The following TMEM52B variants were observed in gnomAD, a reference collection of about 807,000 sequenced individuals.
TMEM52B encodes the protein chromosome 12 open reading frame 59.
TMEM52B carries 11 observed loss-of-function variants against 16.1 expected under a neutral mutation model. That is an observed-to-expected ratio of 0.68 (90% confidence interval 0.43 to 1.13). The LOEUF (loss-of-function observed/expected upper bound fraction) is 1.13, where lower values mean the gene tolerates loss of function less well. Among genes scored for constraint, TMEM52B ranks in the 50% most tolerant of loss-of-function variants. The pLI, the probability that TMEM52B is intolerant of heterozygous loss-of-function variation, is 0.00. For synonymous variants in TMEM52B, 101 were observed against 93.8 expected, an observed-to-expected ratio of 1.08 and a Z score of -0.45; for missense variants, 243 against 230.4, an observed-to-expected ratio of 1.05 and a Z score of -0.35.
At chr12:10,189,751 A>C in intron 4 of TMEM52B, 145 bp from the exon 5 acceptor site, 1 of 1,084,240 alleles carries the variant, frequency 9.2e-7, no homozygotes, top group Non-Finnish European at 1.3e-6. Flanking sequence ...TTCAAAGGAT[A>C]TTCATAAAAT....
At position 10,190,069 on chromosome 12, in the gene TMEM52B, C is replaced by G; in HGVS notation, c.481C>G (p.Pro161Ala). The change falls in exon 5 of 5, where the codon CCA becomes GCA. Residue 161 changes from proline to alanine, a missense_variant. Coordinates refer to ENST00000543484, the MANE Select transcript of TMEM52B (RefSeq NM_001384896.1). ...MCGQKAPDLP[P>A]VPEEKQLPPT... ...CGGGCAGAAAGCACCTGATCTACCC[C>G]CAGTACCTGAAGAAAAGCAGCTGCC... is the stretch of plus-strand genomic sequence containing the variant. 1 of 1,614,120 alleles carries G rather than the reference C, an allele frequency of 6.2e-7. No individual in the cohort carries two copies. Among genetic ancestry groups the G allele is most frequent in the South Asian group, 1.1e-5 (1 of 91,086 alleles).
In TMEM52B at chr12:10,172,363, A is replaced by G. The variant is rs61744551; in HGVS notation, c.-95+1512A>G. On this transcript the variant is annotated intron_variant, in intron 1 of 5. Coordinates refer to the TMEM52B transcript ENST00000381923. ...GGGAAAACTATTTTTCATGAGCATC[A>G]GAGGAGAGATATTGTACCCACTCTT... 865 of 294,024 alleles carry G rather than the reference A, an allele frequency of 2.9e-3. 9 individuals carry two copies. The highest frequency in any genetic ancestry group is 0.016 in the African/African-American group (731 of 47,110). The allele number at this position is 294,024 out of a possible 1,614,324, so 18.2% of individuals were successfully genotyped here. A position where few individuals can be genotyped will look rare whatever the true frequency, so the allele number is the denominator to read the frequency against.
intron 2 of TMEM52B, among the ~76,000 whole-genome samples, chr12:10,184,308 C>T (rs746727334): frequency 2.0e-4 from 31 of 152,140 alleles, no homozygotes; most frequent in Non-Finnish European, 3.1e-4. Flanking sequence ...AAGTGTTTCC[C>T]GGAGTTCTGT....
In TMEM52B at chr12:10,189,127, TG is replaced by T. The variant is rs1340630489; in HGVS notation, c.308-766del. ...GAGGCAGGAGAGAATTGTTTGAACC[TG>T]GGAGGTGGAGGTTGCAGCGACCCGA... On this transcript the variant is annotated intron_variant, in intron 4 of 4. Coordinates refer to ENST00000543484, the MANE Select transcript of TMEM52B (RefSeq NM_001384896.1). 3.0e-5 allele frequency among the ~76,000 whole-genome samples: 4 copies of T among 134,696 alleles called. No individual in the cohort carries two copies. In the East Asian group the frequency reaches 8.9e-4, roughly 30 times the overall value. The allele number at this position is 134,696 out of a possible 152,430, so 88.4% of individuals were successfully genotyped here.
At chr12:10,181,619 C>A (rs564513518) in intron 1 of TMEM52B, among the ~76,000 whole-genome samples, 1 of 151,930 alleles carries the variant, frequency 6.6e-6, no homozygotes, top group Non-Finnish European at 1.5e-5. Context: ...TGAGCCACCA[C>A]GCCTGGCCTG....
chr12:10,178,679 G>A (rs570724067), upstream of TMEM52B, among the ~76,000 whole-genome samples: 13 of 151,756 alleles, frequency 8.6e-5, no homozygotes, highest in Non-Finnish European at 1.5e-4. Context: ...GAGAAAGAAG[G>A]AACAAAGAAA....
chr12:10,176,751 T>A (rs1430906054), upstream of TMEM52B, among the ~76,000 whole-genome samples: 2 of 152,218 alleles, frequency 1.3e-5, no homozygotes, highest in Non-Finnish European at 2.9e-5. Context: ...TTATTTAATC[T>A]GTATAAGGCT....
intron 1 of TMEM52B, among the ~76,000 whole-genome samples, chr12:10,171,092 T>A (rs1948711812): frequency 6.6e-6 from 1 of 152,244 alleles, no homozygotes; most frequent in Non-Finnish European, 1.5e-5. Flanking sequence ...ATGACTATTG[T>A]TCACTTCTGG....
At chr12:10,174,467 GT>G (rs1948751681), upstream of TMEM52B, among the ~76,000 whole-genome samples, 1 of 152,104 alleles carries the variant, frequency 6.6e-6, no homozygotes, top group African/African-American at 2.4e-5. Flanking sequence ...CATAATGTAG[GT>G]GGGCCTCATC....
In TMEM52B at chr12:10,185,382, A is replaced by G. The variant is rs925545839; in HGVS notation, c.137+14A>G. 1 of 1,596,098 alleles carries G rather than the reference A, an allele frequency of 6.3e-7. No homozygotes were observed. Among genetic ancestry groups the G allele is most frequent in the Non-Finnish European group, 8.6e-7 (1 of 1,163,502 alleles). On this transcript the variant is annotated intron_variant, in intron 3 of 4. Transcript: ENST00000543484. ...CTGGTATATATGGTAAGTTTCACTT[A>G]TAATACCCAGAAAGACACTGTATTC...
upstream of TMEM52B, among the ~76,000 whole-genome samples, chr12:10,176,139 T>C (rs1948764044): frequency 6.6e-6 from 1 of 152,248 alleles, no homozygotes; most frequent in African/African-American, 2.4e-5. Flanking sequence ...TCTGTACCTG[T>C]CCAAAGTGTA....
chr12:10,184,319 G>A (rs1378608951), intron 2 of TMEM52B, among the ~76,000 whole-genome samples: 1 of 152,174 alleles, frequency 6.6e-6, no homozygotes, highest in Admixed American at 6.5e-5. Flanking sequence ...GGAGTTCTGT[G>A]AGCTGCTCTA....
chr12:10,172,840 A>G (rs190510437), intron 1 of TMEM52B, among the ~76,000 whole-genome samples: 2 of 152,322 alleles, frequency 1.3e-5, no homozygotes, highest in African/African-American at 4.8e-5. Flanking sequence ...TAGGAATTCA[A>G]ATGACATGTC....
chr12:10,180,848 C>T (rs55917333), intron 1 of TMEM52B, among the ~76,000 whole-genome samples: 139 of 152,294 alleles, frequency 9.1e-4, no homozygotes, highest in African/African-American at 3.1e-3. Context: ...CCTTGTTACC[C>T]AGGCTGGAGT....
At chr12:10,182,914 G>A (rs1035664576) in intron 2 of TMEM52B, among the ~76,000 whole-genome samples, 3 of 152,172 alleles carry the variant, frequency 2.0e-5, no homozygotes, top group Non-Finnish European at 4.4e-5. Flanking sequence ...CAGGACAGAC[G>A]GTTTAGTATC....
chr12:10,182,140 C>T, intron 1 of TMEM52B: 2 of 984,660 alleles, frequency 2.0e-6, no homozygotes, highest in South Asian at 9.4e-5. Context: ...CCCCTTCTTC[C>T]TTTGTATAGT....
chr12:10,177,680 G>A (rs534552749), upstream of TMEM52B, among the ~76,000 whole-genome samples: 27 of 151,038 alleles, frequency 1.8e-4, no homozygotes, highest in African/African-American at 5.8e-4. Flanking sequence ...TGAGGCAGGA[G>A]AATTGCTTGA....
Position 10,190,108 on chromosome 12 carries a change from G to C in TMEM52B, c.520G>C (p.Glu174Gln), listed in dbSNP as rs748971153. The change falls in exon 5 of 5, where the codon GAG becomes CAG. Residue 174 changes from glutamate to glutamine, a missense_variant. Coordinates refer to ENST00000543484, the MANE Select transcript of TMEM52B (RefSeq NM_001384896.1). ...EEKQLPPTEK[E>Q]STRIVDSWN is the part of the protein sequence containing the mutation. ...AAAGCAGCTGCCTCCAACAGAGAAGGAGTCGACTCGAATAGTTGACTCTTG... is the reference window on the plus strand; with the variant it reads ...AAAGCAGCTGCCTCCAACAGAGAAGCAGTCGACTCGAATAGTTGACTCTTG... 3.7e-6 allele frequency: 6 copies of C among 1,614,148 alleles called. No homozygotes were observed. In the Admixed American group the frequency reaches 8.3e-5, roughly 22 times the overall value.
Position 10,185,542 on chromosome 12 carries a change from A to C in TMEM52B, c.137+174A>C, listed in dbSNP as rs878919778. ...AATACCATCTCCTCCGCAAACATCA[A>C]ACCATTACTGTGTCCTTCCCTCGGA... On this transcript the variant is annotated intron_variant, in intron 3 of 4. Transcript: ENST00000543484. Among the ~76,000 whole-genome samples the C allele has an allele frequency of 2.0e-5, 3 of 152,188 alleles. No individual in the cohort carries two copies. The South Asian group carries it at 6.2e-4, about 31-fold the overall frequency.
Sources: allele counts gnomAD v4.1 joint callset (sites outside exome capture counted in the v4.1 genomes callset), GRCh38; gene constraint gnomAD v4.1.1; transcripts MANE v1.5; gene names NCBI Gene and HGNC (gene_info 2026-07-23, HGNC 2026-07-21).